The following PCDH9 variants were observed in gnomAD, a reference collection of about 807,000 sequenced individuals.
PCDH9 encodes protocadherin-9.
PCDH9 carries 24 observed loss-of-function variants against 70.6 expected under a neutral mutation model. That is an observed-to-expected ratio of 0.34 (90% CI 0.25 to 0.48). PCDH9 has a LOEUF of 0.48. Among genes scored for constraint, PCDH9 ranks in the 20% least tolerant of loss-of-function variants. The pLI, the probability that PCDH9 is intolerant of heterozygous loss-of-function variation, is 0.99. For synonymous variants in PCDH9, 562 were observed against 558.5 expected, an observed-to-expected ratio of 1.01 and a Z score of -0.09; for missense variants, 1,281 against 1,503.6, an observed-to-expected ratio of 0.85 and a Z score of 2.45.
chr13:66,355,517 T>C (rs550356337), intron 4 of PCDH9, among the ~76,000 whole-genome samples: 1 of 152,242 alleles, frequency 6.6e-6, no homozygotes, highest in Non-Finnish European at 1.5e-5. Context: ...GCCTCAAGCA[T>C]AGGGCTGACA....
rs750485571 is a variant in PCDH9 at position 67,225,691 on chromosome 13, C to A, written c.2750G>T (p.Arg917Ile). 2 of 1,614,158 alleles carry A rather than the reference C, an allele frequency of 1.2e-6. No homozygotes were observed. The highest frequency in any genetic ancestry group is 1.7e-6 in the Non-Finnish European group (2 of 1,180,032). Residue 917 changes from arginine (R) to isoleucine (I), a missense_variant, in exon 2 of 5, where the codon AGA (arginine) becomes ATA (isoleucine). By Grantham distance (97) the Arg-to-Ile change is moderately conservative. Transcript: ENST00000377865. ...TGGAGGTGCCGGGCCCCAGTCAAATCTTCCTATACTTTGCTCCTCCAGTTC... is the reference window on the plus strand; with the variant it reads ...TGGAGGTGCCGGGCCCCAGTCAAATATTCCTATACTTTGCTCCTCCAGTTC... ...PAELEEQSIGRFDWGPAPPTT... is the reference protein window; with the variant it reads ...PAELEEQSIGIFDWGPAPPTT...
intron 3 of PCDH9, among the ~76,000 whole-genome samples, chr13:66,755,898 T>C (rs1053684703): frequency 1.4e-4 from 21 of 152,204 alleles, no homozygotes; most frequent in African/African-American, 4.8e-4. Context: ...CAGATGGCGA[T>C]AGATCAGGAG....
intron 4 of PCDH9, among the ~76,000 whole-genome samples, chr13:66,325,958 G>T (rs981473747): frequency 2.0e-5 from 3 of 152,094 alleles, no homozygotes; most frequent in African/African-American, 4.8e-5. Context: ...AAAACTGACA[G>T]GAAGTGTGGC....
chr13:66,377,582 G>A (rs1956771573), intron 4 of PCDH9, among the ~76,000 whole-genome samples: 1 of 152,158 alleles, frequency 6.6e-6, no homozygotes. Context: ...TTGGTTGGCT[G>A]TCCACTGATG....
intron 2 of PCDH9, among the ~76,000 whole-genome samples, chr13:67,070,610 C>T (rs1293764112): frequency 2.6e-5 from 4 of 152,122 alleles, no homozygotes; most frequent in Non-Finnish European, 4.4e-5. Flanking sequence ...CCTGTTTCAT[C>T]TAAGCATTGC....
chr13:66,719,655 C>T (rs1228850191), intron 3 of PCDH9, among the ~76,000 whole-genome samples: 3 of 152,058 alleles, frequency 2.0e-5, no homozygotes, highest in Non-Finnish European at 2.9e-5. Context: ...GAACAACAAA[C>T]GTGATAATTG....
At chr13:67,156,260 G>T (rs550085722) in intron 2 of PCDH9, among the ~76,000 whole-genome samples, 15 of 152,270 alleles carry the variant, frequency 9.9e-5, no homozygotes, top group African/African-American at 3.4e-4. Context: ...AGACCGAAAC[G>T]ACTGGACGTG....
chr13:66,333,938 A>C (rs1243549385), intron 4 of PCDH9, among the ~76,000 whole-genome samples: 1 of 151,994 alleles, frequency 6.6e-6, no homozygotes, highest in African/African-American at 2.4e-5. Context: ...CTGATACATA[A>C]TAATTATACA....
intron 4 of PCDH9, among the ~76,000 whole-genome samples, chr13:66,442,055 T>A (rs1163776453): frequency 6.6e-6 from 1 of 152,170 alleles, no homozygotes; most frequent in Admixed American, 6.5e-5. Flanking sequence ...ATCCACATCA[T>A]AAGTTTACAG....
At chr13:66,534,578 G>A (rs1047820403) in intron 4 of PCDH9, among the ~76,000 whole-genome samples, 11 of 151,994 alleles carry the variant, frequency 7.2e-5, no homozygotes, top group Admixed American at 3.3e-4. Context: ...ACCACACTGG[G>A]GGCTAGAGTT....
chr13:67,048,860 CTG>C (rs1210686359), intron 2 of PCDH9, among the ~76,000 whole-genome samples: 10 of 152,142 alleles, frequency 6.6e-5, no homozygotes, highest in African/African-American at 2.4e-4. Context: ...TGGGGTTCTT[CTG>C]TTATACCGGC....
chr13:66,362,943 G>A (rs1021912877), intron 4 of PCDH9, among the ~76,000 whole-genome samples: 1 of 152,132 alleles, frequency 6.6e-6, no homozygotes, highest in African/African-American at 2.4e-5. Context: ...CACTTTGAGA[G>A]ACTGAGGTGG....
chr13:67,098,873 AT>A (rs1161998263), intron 2 of PCDH9, among the ~76,000 whole-genome samples: 2 of 152,222 alleles, frequency 1.3e-5, no homozygotes, highest in African/African-American at 4.8e-5. Flanking sequence ...AAACAAAAAA[AT>A]AATTGATTCC....
At chr13:66,511,482 G>A (rs776397288) in intron 4 of PCDH9, among the ~76,000 whole-genome samples, 1 of 151,880 alleles carries the variant, frequency 6.6e-6, no homozygotes, top group African/African-American at 2.4e-5. Flanking sequence ...CTGGAATGTT[G>A]CAAGTGCCCA....
At chr13:67,081,632 T>C (rs1180564567) in intron 2 of PCDH9, among the ~76,000 whole-genome samples, 2 of 152,128 alleles carry the variant, frequency 1.3e-5, no homozygotes, top group East Asian at 1.9e-4. Context: ...GACCATCTCA[T>C]AGAACAGGAT....
intron 2 of PCDH9, among the ~76,000 whole-genome samples, chr13:66,990,524 CT>C (rs2083980447): frequency 6.7e-6 from 1 of 149,262 alleles, no homozygotes; most frequent in Admixed American, 6.7e-5. Flanking sequence ...ATATCATATT[CT>C]TGTATATACT....
At chr13:67,010,031 A>C (rs1373795063) in intron 2 of PCDH9, among the ~76,000 whole-genome samples, 2 of 152,028 alleles carry the variant, frequency 1.3e-5, no homozygotes, top group Non-Finnish European at 2.9e-5. Flanking sequence ...GATGTTCAGG[A>C]AATGTGAAGA....
chr13:66,883,544 T>C (rs1260311352), intron 3 of PCDH9, among the ~76,000 whole-genome samples: 1 of 152,232 alleles, frequency 6.6e-6, no homozygotes, highest in Non-Finnish European at 1.5e-5. Context: ...ACCAGTCCCA[T>C]TAAACACCCC....
intron 4 of PCDH9, among the ~76,000 whole-genome samples, chr13:66,446,099 GA>G (rs1194134761): frequency 2.6e-5 from 4 of 151,878 alleles, no homozygotes; most frequent in Admixed American, 1.3e-4. Flanking sequence ...TATTAAAAGA[GA>G]AATAATCAGG....
Sources: allele counts gnomAD v4.1 joint callset (sites outside exome capture counted in the v4.1 genomes callset), GRCh38; gene constraint gnomAD v4.1.1; transcripts MANE v1.5; gene names NCBI Gene and HGNC (gene_info 2026-07-23, HGNC 2026-07-21).